Variants in SLIT2 observed in about 807,000 individuals in gnomAD.
SLIT2 encodes the protein slit guidance ligand 2.
Under a neutral mutation model 185.7 loss-of-function variants are expected in SLIT2, and 41 were observed. The observed-to-expected ratio is 0.22, with a 90% confidence interval of 0.17 to 0.29. SLIT2 has a LOEUF of 0.29. Ranked by LOEUF, SLIT2 falls within the 10% of genes least tolerant of loss-of-function variation. SLIT2 has a pLI of 1.00. For missense variants in SLIT2, 1,571 were observed against 1,909.0 expected (o/e 0.82, Z 3.30); for synonymous variants, 693 against 680.2 (o/e 1.02, Z -0.29).
chr4:20,620,449 T>A lies in SLIT2; in HGVS notation c.*1440T>A. Reference sequence around the variant, plus strand: ...ATGTTTCTTCCTGAAAACTTCTTTTTTTACAAAGAAAATTAGATGTACATG... The same window carrying A: ...ATGTTTCTTCCTGAAAACTTCTTTTATTACAAAGAAAATTAGATGTACATG... On this transcript the variant is annotated 3_prime_UTR_variant, in exon 37 of 37. Coordinates refer to ENST00000504154, the MANE Select transcript of SLIT2 (RefSeq NM_004787.4). 2.2e-6 allele frequency: 1 copy of A among 454,042 alleles called. No individual in the cohort carries two copies. The highest frequency in any genetic ancestry group is 4.4e-6 in the Non-Finnish European group (1 of 226,466). The allele number at this position is 454,042 out of a possible 1,614,324, so 28.1% of individuals were successfully genotyped here.
chr4:20,581,569 C>G (rs1726571313), intron 29 of SLIT2, among the ~76,000 whole-genome samples: 3 of 152,122 alleles, frequency 2.0e-5, no homozygotes, highest in Non-Finnish European at 2.9e-5. Context: ...TCTCTCTTTC[C>G]CCCATGCTTA....
intron 4 of SLIT2, among the ~76,000 whole-genome samples, chr4:20,388,891 AAT>A (rs894032207): frequency 3.5e-5 from 5 of 144,458 alleles, no homozygotes; most frequent in African/African-American, 5.0e-5. Flanking sequence ...TATAAAACAT[AAT>A]ATATATAATA....
At chr4:20,329,901 C>G (rs1560322769) in intron 4 of SLIT2, among the ~76,000 whole-genome samples, 1 of 152,040 alleles carries the variant, frequency 6.6e-6, no homozygotes, top group Non-Finnish European at 1.5e-5. Context: ...TTTCTGAGGC[C>G]TTTTTCTGCT....
At chr4:20,422,658 G>T (rs1038296707) in intron 4 of SLIT2, among the ~76,000 whole-genome samples, 3 of 152,014 alleles carry the variant, frequency 2.0e-5, no homozygotes, top group Admixed American at 6.6e-5. Flanking sequence ...GTCTGATCAG[G>T]GCAAGTCTCT....
intron 4 of SLIT2, among the ~76,000 whole-genome samples, chr4:20,281,075 C>A (rs574974894): frequency 6.6e-6 from 1 of 152,078 alleles, no homozygotes; most frequent in Non-Finnish European, 1.5e-5. Context: ...TCAGGTGATC[C>A]GCCCGCCTCG....
intron 4 of SLIT2, among the ~76,000 whole-genome samples, chr4:20,412,406 G>T (rs1212460888): frequency 6.6e-6 from 1 of 152,026 alleles, no homozygotes; most frequent in Non-Finnish European, 1.5e-5. Context: ...AAGAGAAATT[G>T]TTTTTCCAAC....
At chr4:20,286,238 G>A (rs959238689) in intron 4 of SLIT2, among the ~76,000 whole-genome samples, 4 of 152,076 alleles carry the variant, frequency 2.6e-5, no homozygotes, top group African/African-American at 9.7e-5. Flanking sequence ...TTTATGCATC[G>A]TTAATTGTGC....
intron 25 of SLIT2, among the ~76,000 whole-genome samples, chr4:20,551,868 G>T (rs766155401): frequency 2.0e-5 from 3 of 152,120 alleles, no homozygotes; most frequent in Admixed American, 6.5e-5. Context: ...CCACCCAAAA[G>T]TCTACGCTTT....
At chr4:20,359,665 A>G (rs1386954601) in intron 4 of SLIT2, among the ~76,000 whole-genome samples, 1 of 152,084 alleles carries the variant, frequency 6.6e-6, no homozygotes, top group Non-Finnish European at 1.5e-5. Context: ...ATGTTGAATC[A>G]GTACATTTTG....
At chr4:20,259,343 A>G (rs964354862) in intron 3 of SLIT2, among the ~76,000 whole-genome samples, 15 of 151,912 alleles carry the variant, frequency 9.9e-5, no homozygotes, top group African/African-American at 3.1e-4. Flanking sequence ...AAGCATCAAT[A>G]TAATTCAAAT....
chr4:20,255,258 C>A (rs926918649), intron 1 of SLIT2, among the ~76,000 whole-genome samples: 1 of 152,340 alleles, frequency 6.6e-6, no homozygotes, highest in East Asian at 1.9e-4. Context: ...GCCCATTGCA[C>A]TTCAAGTCGC....
intron 30 of SLIT2, among the ~76,000 whole-genome samples, chr4:20,591,641 G>A (rs982338713): frequency 4.6e-5 from 7 of 151,576 alleles, no homozygotes; most frequent in South Asian, 2.1e-4. Flanking sequence ...AAACACTGTA[G>A]GTAAGTTGTT....
intron 21 of SLIT2, among the ~76,000 whole-genome samples, chr4:20,543,180 A>G (rs1722965134): frequency 6.6e-6 from 1 of 152,014 alleles, no homozygotes; most frequent in Non-Finnish European, 1.5e-5. Context: ...TTAAGAAGAG[A>G]TGCTGCTTTT....
chr4:20,369,164 A>G (rs1359734610), intron 4 of SLIT2, among the ~76,000 whole-genome samples: 13 of 152,060 alleles, frequency 8.5e-5, no homozygotes, highest in Non-Finnish European at 1.5e-5. Context: ...AACAGGGCTG[A>G]ATTCCCATGT....
intron 26 of SLIT2, among the ~76,000 whole-genome samples, chr4:20,557,622 CT>C (rs1329769322): frequency 1.3e-5 from 2 of 152,040 alleles, no homozygotes; most frequent in Non-Finnish European, 2.9e-5. Flanking sequence ...GTTTATATGC[CT>C]GCTGATGCAA....
rs1490398660 is a variant in SLIT2 at position 20,519,568 on chromosome 4, A to G, written c.1130+115A>G. Reference sequence around the variant, plus strand: ...ATTTGACTCAAAATGATACAGTTTAACAAAATAGAAAAGAGTAGTCCAGTC... The same window carrying G: ...ATTTGACTCAAAATGATACAGTTTAGCAAAATAGAAAAGAGTAGTCCAGTC... On this transcript the variant is annotated intron_variant, in intron 12 of 36. Coordinates refer to ENST00000504154, the MANE Select transcript of SLIT2 (RefSeq NM_004787.4). 1.5e-5 allele frequency: 10 copies of G among 646,330 alleles called. No individual in the cohort carries two copies. In the East Asian group the frequency reaches 2.4e-4, roughly 16 times the overall value. 40.0% of individuals were successfully genotyped at this position (646,330 alleles called of 1,614,324 possible).
At chr4:20,460,427 T>C (rs565572087) in intron 4 of SLIT2, among the ~76,000 whole-genome samples, 4 of 152,340 alleles carry the variant, frequency 2.6e-5, no homozygotes, top group African/African-American at 9.6e-5. Context: ...TTGTGGAATG[T>C]TTAAGTGAGC....
At chr4:20,525,113 G>A (rs1263932552) in intron 14 of SLIT2, 36 bp from the exon 15 acceptor site, 1 of 1,536,234 alleles carries the variant, frequency 6.5e-7, no homozygotes, top group East Asian at 2.3e-5. Context: ...TGACATTCAG[G>A]TGCATCTTCT....
intron 4 of SLIT2, among the ~76,000 whole-genome samples, chr4:20,383,793 C>G (rs1724723725): frequency 1.3e-5 from 2 of 152,106 alleles, no homozygotes; most frequent in Admixed American, 6.5e-5. Context: ...ATCTCCATCT[C>G]CCGGATTCAA....
Sources: allele counts gnomAD v4.1 joint callset (sites outside exome capture counted in the v4.1 genomes callset), GRCh38; gene constraint gnomAD v4.1.1; transcripts MANE v1.5; gene names NCBI Gene and HGNC (gene_info 2026-07-23, HGNC 2026-07-21).